Variants in FBN1 observed in about 807,000 individuals in gnomAD.
FBN1 encodes fibrillin 1, also known as fibrillin-1.
In FBN1, 29 loss-of-function variants were observed where a neutral mutation model predicts 365.1. The ratio of observed to expected loss-of-function variants is 0.08; its 90% CI spans 0.06 to 0.11. The LOEUF (loss-of-function observed/expected upper bound fraction) is 0.11, where lower values mean the gene tolerates loss of function less well. Ranked by LOEUF, FBN1 falls within the 10% of genes least tolerant of loss-of-function variation. The pLI is 1.00. For missense variants in FBN1, 2,476 were observed against 3,703.2 expected, an observed-to-expected ratio of 0.67 and a Z score of 8.60; for synonymous variants, 1,210 against 1,270.5, an observed-to-expected ratio of 0.95 and a Z score of 1.01.
At chr15:48,459,639 T>A (rs1245065252) in intron 43 of FBN1, among the ~76,000 whole-genome samples, 1 of 152,248 alleles carries the variant, frequency 6.6e-6, no homozygotes, top group African/African-American at 2.4e-5. Context: ...TATTTGGTTT[T>A]AAACCACAAG....
intron 4 of FBN1, among the ~76,000 whole-genome samples, chr15:48,605,594 C>T (rs1223625046): frequency 1.3e-5 from 2 of 152,168 alleles, no homozygotes; most frequent in Non-Finnish European, 2.9e-5. Context: ...CAAAAGAGGC[C>T]AGGCACAGTG....
intron 2 of FBN1, among the ~76,000 whole-genome samples, chr15:48,627,706 A>G (rs1198542139): frequency 2.0e-5 from 3 of 152,204 alleles, no homozygotes; most frequent in Non-Finnish European, 2.9e-5. Flanking sequence ...TCCATTACAC[A>G]GAGAAAGTGG....
chr15:48,573,255 T>C (rs1429941277), intron 6 of FBN1, among the ~76,000 whole-genome samples: 1 of 152,232 alleles, frequency 6.6e-6, no homozygotes, highest in African/African-American at 2.4e-5. Context: ...AGTTATGTGA[T>C]GATTATGGCC....
intron 54 of FBN1, 104 bp downstream of exon 54, chr15:48,434,490 T>C (rs1193393100): frequency 6.8e-7 from 1 of 1,464,582 alleles, no homozygotes; most frequent in Non-Finnish European, 9.6e-7. Context: ...AGATGATCTT[T>C]ATTATATACA....
At chr15:48,610,376 A>G (rs181707521) in intron 4 of FBN1, among the ~76,000 whole-genome samples, 12 of 152,326 alleles carry the variant, frequency 7.9e-5, no homozygotes, top group African/African-American at 2.9e-4. Context: ...AAGCATGCCT[A>G]GATTTCTTGA....
intron 7 of FBN1, among the ~76,000 whole-genome samples, chr15:48,535,679 C>T (rs1484603709): frequency 6.6e-6 from 1 of 152,142 alleles, no homozygotes; most frequent in African/African-American, 2.4e-5. Flanking sequence ...GAAAAGTCAG[C>T]ATGCAGTAAA....
chr15:48,477,714 T>A lies in FBN1; in HGVS notation c.3965-3064A>T, dbSNP rs978773359. ...TACATGTTTGCCAAGAATATCTCTT[T>A]CTGTAAAAATGTTCTCTTTCCTGCA... On this transcript the variant is annotated intron_variant, in intron 32 of 65. Coordinates refer to ENST00000316623, the MANE Select transcript of FBN1 (RefSeq NM_000138.5). 2.0e-5 allele frequency among the ~76,000 whole-genome samples: 3 copies of A among 152,228 alleles called. No individual in the cohort carries two copies. The South Asian group carries it at 6.2e-4, about 32-fold the overall frequency.
Position 48,468,509 on chromosome 15 carries a change from G to A in FBN1, c.4485C>T (p.Thr1495=), listed in dbSNP as rs761288191. ...CTDVNECLDP[T]TCISGNCVNT... ...TGACACAGTTCCCACTGATGCACGT[G>A]GTTGGATCCAGGCATTCATTCACAT... The change falls in exon 37 of 66, where the codon ACC becomes ACT. Residue 1495 remains threonine (T), a synonymous_variant. Coordinates refer to ENST00000316623, the MANE Select transcript of FBN1 (RefSeq NM_000138.5). The A allele has an allele frequency of 6.2e-7, 1 of 1,613,928 alleles. No homozygotes were observed. Among genetic ancestry groups the A allele is most frequent in the African/African-American group, 1.3e-5 (1 of 74,912 alleles).
Position 48,533,982 on chromosome 15 carries a change from G to A in FBN1, c.862+98C>T, listed in dbSNP as rs368563558. On this transcript the variant is annotated intron_variant, in intron 8 of 65. Transcript: ENST00000316623. ...CACATTCACAGGGATGACAAAGACA[G>A]AAGGATTTAGGAATAATTTGCAAAC... 2.6e-6 allele frequency: 4 copies of A among 1,510,052 alleles called. No individual in the cohort carries two copies. In the African/African-American group the frequency reaches 4.1e-5, roughly 16 times the overall value. 93.5% of individuals were successfully genotyped at this position (1,510,052 alleles called of 1,614,324 possible). A position where few individuals can be genotyped will look rare whatever the true frequency, so the allele number is the denominator to read the frequency against.
chr15:48,441,755 C>G lies in FBN1; in HGVS notation c.6129G>C (p.Gly2043=), dbSNP rs766473100. 11 of 1,613,730 alleles carry G rather than the reference C, an allele frequency of 6.8e-6. No homozygotes were observed. The Middle Eastern group carries it at 9.9e-4, about 145-fold the overall frequency. ...TTCTTCCACTGGAGGACAAGGAAAA[C>G]CCTTCTGGACACAGACATTTGAAGC... ...EGSFKCLCPE[G]FSLSSSGRRC... The change falls in exon 50 of 66, where the codon GGG becomes GGC. Residue 2043 remains glycine, a synonymous_variant. Coordinates refer to ENST00000316623, the MANE Select transcript of FBN1 (RefSeq NM_000138.5).
At chr15:48,415,294 A>G (rs770221664) in intron 64 of FBN1, among the ~76,000 whole-genome samples, 11 of 152,226 alleles carry the variant, frequency 7.2e-5, no homozygotes, top group Non-Finnish European at 2.9e-5. Context: ...AATAAGATAG[A>G]GAAGTCATAT....
chr15:48,638,614 G>C (rs1416327030), intron 2 of FBN1, among the ~76,000 whole-genome samples: 1 of 91,578 alleles, frequency 1.1e-5, no homozygotes, highest in African/African-American at 3.6e-5. Context: ...TGATACATCA[G>C]AGCTTTTTTT....
intron 50 of FBN1, among the ~76,000 whole-genome samples, chr15:48,439,791 T>C (rs1388340302): frequency 3.3e-5 from 5 of 152,096 alleles, no homozygotes; most frequent in Non-Finnish European, 5.9e-5. Context: ...GAGACTCAAA[T>C]GCACGAAGTC....
chr15:48,474,429 C>CCTTTCTGTTTT, intron 33 of FBN1, 52 bp from the exon 34 acceptor site: 1 of 1,612,010 alleles, frequency 6.2e-7, no homozygotes, highest in Non-Finnish European at 8.5e-7. Context: ...TATTTAAAAC[C>CCTTTCTGTTTT]AATAATACAC....
intron 42 of FBN1, among the ~76,000 whole-genome samples, chr15:48,461,755 CTATT>C (rs2043281727): frequency 1.3e-5 from 2 of 152,098 alleles, no homozygotes; most frequent in African/African-American, 2.4e-5. Context: ...TCAGTCAAAA[CTATT>C]TAATGTTGCC....
At chr15:48,573,498 A>G (rs1288628088) in intron 6 of FBN1, among the ~76,000 whole-genome samples, 5 of 152,250 alleles carry the variant, frequency 3.3e-5, no homozygotes, top group Admixed American at 6.5e-5. Flanking sequence ...AATAACAATA[A>G]TAATTAAGAT....
chr15:48,481,569 G>A, intron 32 of FBN1, 86 bp downstream of exon 32: 1 of 1,329,772 alleles, frequency 7.5e-7, no homozygotes, highest in Admixed American at 2.0e-5. Flanking sequence ...TAAAATGTAT[G>A]AGTTTTAAAA....
intron 7 of FBN1, among the ~76,000 whole-genome samples, chr15:48,535,961 ACAAGG>A (rs1287651066): frequency 6.6e-6 from 1 of 152,202 alleles, no homozygotes; most frequent in Non-Finnish European, 1.5e-5. Flanking sequence ...GAAAATATAG[ACAAGG>A]CAATTCTCCA....
At position 48,627,988 on chromosome 15, in the gene FBN1, T is replaced by C. The variant is rs556529956; in HGVS notation, c.165-14896A>G. 2.9e-4 allele frequency among the ~76,000 whole-genome samples: 44 copies of C among 152,306 alleles called. No homozygotes were observed. In the South Asian group the frequency reaches 8.5e-3, roughly 29 times the overall value. On this transcript the variant is annotated intron_variant, in intron 2 of 65. Transcript: ENST00000316623. ...CTCGCATACCTAAAGGGCTTCCAAA[T>C]CTCTGTAGCAGCACCCACTGACGAA...
Sources: gnomAD v4.1 joint callset for allele counts (sites outside exome capture counted in the v4.1 genomes callset) on GRCh38, gnomAD v4.1.1 for gene constraint, MANE v1.5 for transcripts, NCBI Gene and HGNC (gene_info 2026-07-23, HGNC 2026-07-21) for gene names.